WASHC2A: variants seen among roughly 807,000 people sequenced by gnomAD.
WASHC2A encodes WASH complex subunit 2A.
WASHC2A carries 82 observed loss-of-function variants against 140.3 expected under a neutral mutation model. The observed-to-expected ratio is 0.58, with a 90% confidence interval of 0.49 to 0.70. The LOEUF (loss-of-function observed/expected upper bound fraction) is 0.70. Ranked by LOEUF, WASHC2A falls within the 30% of genes least tolerant of loss-of-function variation. The pLI is 0.00. For synonymous variants in WASHC2A, 340 were observed against 560.8 expected (o/e 0.61, Z 5.56); for missense variants, 985 against 1,521.8 (o/e 0.65, Z 5.87).
Position 50,133,065 on chromosome 10 carries a change from G to T in WASHC2A, c.*120G>T, listed in dbSNP as rs1044651. ...CAAATACTAGAACAGCTAGCTCATC[G>T]TTCACCCAATGTACTTGGTATTTTT... On this transcript the variant is annotated 3_prime_UTR_variant, in exon 31 of 31. Coordinates refer to ENST00000282633, the MANE Select transcript of WASHC2A (RefSeq NM_001005751.3). 2.1e-4 allele frequency: 325 copies of T among 1,582,644 alleles called. No homozygotes were observed. In the African/African-American group the frequency reaches 3.9e-3, roughly 19 times the overall value.
At chr10:50,118,988 A>AT (rs1165503899) in intron 22 of WASHC2A, among the ~76,000 whole-genome samples, 1 of 6,804 alleles carries the variant, frequency 1.5e-4, no homozygotes, top group African/African-American at 5.3e-4. Flanking sequence ...TTAAAGAAGC[A>AT]TTTTTTTAAT....
In WASHC2A at chr10:50,095,189, G is replaced by T; in HGVS notation, c.1222G>T (p.Ala408Ser). The change falls in exon 14 of 31, where the codon GCT becomes TCT. Residue 408 changes from alanine (A) to serine (S), a missense_variant. By Grantham distance (99) the Ala-to-Ser change is moderately conservative. Coordinates refer to ENST00000282633, the MANE Select transcript of WASHC2A (RefSeq NM_001005751.3). ...ACCTGGAAAGAAAATCCCAGCAGGA[G>T]CTGTTTCTGTATTTTTAGGTAACAT... ...SKPGKKIPAG[A>S]VSVFLGDTDV... 1 of 1,591,014 alleles carries T rather than the reference G, an allele frequency of 6.3e-7. No individual in the cohort carries two copies. The highest frequency in any genetic ancestry group is 8.6e-7 in the Non-Finnish European group (1 of 1,167,582).
chr10:50,098,729 C>CTT (rs531541628), intron 16 of WASHC2A, among the ~76,000 whole-genome samples: 3 of 130,848 alleles, frequency 2.3e-5, no homozygotes, highest in Non-Finnish European at 4.9e-5. Context: ...CCTCCCACAT[C>CTT]TTTTTTTTTT....
rs1199817306 is a variant in WASHC2A, at chr10:50,095,719, A to T, written c.1361A>T (p.Asp454Val). Residue 454 changes from aspartate to valine, a missense_variant, in exon 15 of 31, where the codon GAT (aspartate) becomes GTT (valine). Asp to Val is a radical substitution (Grantham distance 152). Coordinates refer to ENST00000282633, the MANE Select transcript of WASHC2A (RefSeq NM_001005751.3). ...CCTCCCACTGGCCTCTTTGATGATG[A>T]TGATGGTGATGATGATGACGACTTT... ...GPPPTGLFDD[D>V]DGDDDDDFFS... is the part of the protein sequence containing the mutation. 2 of 1,611,406 alleles carry T rather than the reference A, an allele frequency of 1.2e-6. No homozygotes were observed. Among genetic ancestry groups the T allele is most frequent in the African/African-American group, 2.7e-5 (2 of 74,706 alleles).
intron 5 of WASHC2A, among the ~76,000 whole-genome samples, chr10:50,083,554 CTTTTT>C (rs1206903936): frequency 1.2e-5 from 1 of 83,694 alleles, no homozygotes; most frequent in Non-Finnish European, 2.2e-5. Context: ...ACTTTGGTAT[CTTTTT>C]TTTTTTTTTT....
At position 50,117,886 on chromosome 10, in the gene WASHC2A, A is replaced by G; in HGVS notation, c.2143-20A>G. 7.1e-7 allele frequency: 1 copy of G among 1,407,826 alleles called. No homozygotes were observed. The highest frequency in any genetic ancestry group is 9.9e-7 in the Non-Finnish European group (1 of 1,007,662). The allele number at this position is 1,407,826 out of a possible 1,614,324, so 87.2% of individuals were successfully genotyped here. On this transcript the variant is annotated intron_variant, in intron 21 of 30. Coordinates refer to ENST00000282633, the MANE Select transcript of WASHC2A (RefSeq NM_001005751.3). The stretch of plus-strand genomic sequence containing the variant: ...ACACTTTTTTATTGTTGTGGATGTC[A>G]TGTACTCTTCTTTTGGTAGAAAAAA...
Position 50,097,899 on chromosome 10 carries a change from C to T in WASHC2A, c.1548+97C>T, listed in dbSNP as rs1457517880. 39 of 1,581,342 alleles carry T rather than the reference C, an allele frequency of 2.5e-5. 1 individual carries two copies. Among genetic ancestry groups the T allele is most frequent in the Non-Finnish European group, 3.2e-5 (37 of 1,165,190 alleles). On this transcript the variant is annotated intron_variant, in intron 16 of 30. Coordinates refer to ENST00000282633, the MANE Select transcript of WASHC2A (RefSeq NM_001005751.3). ...GGGAAGTGCTGTTCCCTTTCACGTT[C>T]ATATTGAAGAACTTCAAACAGAAAG...
intron 17 of WASHC2A, 117 bp downstream of exon 17, chr10:50,100,181 C>T: frequency 1.4e-6 from 2 of 1,478,818 alleles, no homozygotes; most frequent in Non-Finnish European, 1.8e-6. Flanking sequence ...TACTCCAGTT[C>T]TTTAAAAATT....
chr10:50,088,866 T>G (rs1251189967), intron 8 of WASHC2A, among the ~76,000 whole-genome samples: 316 of 121,214 alleles, frequency 2.6e-3, no homozygotes, highest in Non-Finnish European at 4.6e-3. Context: ...GTGGTTGATC[T>G]CTATAATTTT....
At chr10:50,130,506 C>T (rs1465286666) in intron 29 of WASHC2A, among the ~76,000 whole-genome samples, 2 of 152,010 alleles carry the variant, frequency 1.3e-5, no homozygotes, top group Non-Finnish European at 2.9e-5. Flanking sequence ...GGACTGCAGG[C>T]ACGAGGTGAA....
chr10:50,132,599 G>A, intron 30 of WASHC2A, among the ~76,000 whole-genome samples: 1 of 152,114 alleles, frequency 6.6e-6, no homozygotes, highest in Non-Finnish European at 1.5e-5. Flanking sequence ...AAGAAATTGT[G>A]CTCCAAGAGA....
chr10:50,127,020 G>T (rs1403874205), intron 26 of WASHC2A, 140 bp from the exon 27 acceptor site: 1 of 1,028,330 alleles, frequency 9.7e-7, no homozygotes, highest in African/African-American at 1.6e-5. Context: ...TCAGGCCCCA[G>T]GAGAGATTTG....
chr10:50,116,535 G>A (rs1313955017), intron 21 of WASHC2A, among the ~76,000 whole-genome samples: 1 of 146,584 alleles, frequency 6.8e-6, no homozygotes, highest in Admixed American at 6.9e-5. Context: ...GGATGGTCTC[G>A]ATCTCCTGAT....
intron 8 of WASHC2A, 23 bp downstream of exon 8, chr10:50,087,345 A>G: frequency 1.9e-6 from 3 of 1,613,894 alleles, no homozygotes; most frequent in Middle Eastern, 1.7e-4. Context: ...TATTGAAATG[A>G]CTTTGTTTTT....
intron 5 of WASHC2A, among the ~76,000 whole-genome samples, chr10:50,082,115 G>C (rs1483111489): frequency 6.6e-6 from 1 of 151,892 alleles, no homozygotes; most frequent in Non-Finnish European, 1.5e-5. Flanking sequence ...GACCACACTT[G>C]ATACTTCCAA....
intron 16 of WASHC2A, among the ~76,000 whole-genome samples, chr10:50,099,527 C>T (rs1382678414): frequency 6.6e-6 from 1 of 151,152 alleles, no homozygotes; most frequent in East Asian, 2.0e-4. Flanking sequence ...TGTGTGTGTC[C>T]CCAGCAGTCT....
rs1839471022 is a variant in WASHC2A at position 50,087,280 on chromosome 10, A to G, written c.690A>G (p.Ser230=). 3.7e-6 allele frequency: 6 copies of G among 1,613,864 alleles called. No homozygotes were observed. The highest frequency in any genetic ancestry group is 1.7e-5 in the Admixed American group (1 of 60,004). The change falls in exon 8 of 31, where the codon TCA becomes TCG. Residue 230 remains serine, a synonymous_variant. Transcript: ENST00000282633. ...DTEEEKEEEE[S]DEDFAHHSDN... is the part of the protein sequence containing the mutation. ...GCCTTTTCTTCCCCACAAAGGAGTC[A>G]GATGAAGATTTTGCCCATCATAGTG...
intron 21 of WASHC2A, among the ~76,000 whole-genome samples, chr10:50,117,497 G>A (rs1248607804): frequency 8.8e-6 from 1 of 114,002 alleles, no homozygotes; most frequent in African/African-American, 3.1e-5. Context: ...CATGCAAGGA[G>A]TGCTGGTTTG....
chr10:50,084,605 A>G (rs1839222450), intron 6 of WASHC2A, among the ~76,000 whole-genome samples: 1 of 151,064 alleles, frequency 6.6e-6, no homozygotes, highest in Admixed American at 6.6e-5. Flanking sequence ...CAATTTTTGT[A>G]TTTTTAGTAG....
Sources: allele counts gnomAD v4.1 joint callset (sites outside exome capture counted in the v4.1 genomes callset), GRCh38; gene constraint gnomAD v4.1.1; transcripts MANE v1.5; gene names NCBI Gene and HGNC (gene_info 2026-07-23, HGNC 2026-07-21).